GALNT16: variants seen among roughly 807,000 people sequenced by gnomAD.
GALNT16 encodes the protein UDP-GalNAc:polypeptide N-acetylgalactosaminyltransferase-like protein 1.
In GALNT16, 40 loss-of-function variants were observed where a neutral mutation model predicts 76.1. That is an observed-to-expected ratio of 0.53 (90% confidence interval 0.41 to 0.68). The LOEUF (loss-of-function observed/expected upper bound fraction) is 0.68. Ranked by LOEUF, GALNT16 falls within the 30% of genes least tolerant of loss-of-function variation. The probability of loss-of-function intolerance (pLI) is 0.00; values close to 1 mark genes in which losing one functional copy is unlikely to be tolerated. For synonymous variants in GALNT16, 276 were observed against 285.2 expected, an observed-to-expected ratio of 0.97 and a Z score of 0.32; for missense variants, 621 against 731.9, an observed-to-expected ratio of 0.85 and a Z score of 1.75.
chr14:69,319,712 G>A (rs943652018), intron 1 of GALNT16, among the ~76,000 whole-genome samples: 1 of 152,224 alleles, frequency 6.6e-6, no homozygotes, highest in African/African-American at 2.4e-5. Flanking sequence ...ATGAAGGAAC[G>A]GGATGGGCAA....
At chr14:69,296,665 C>T (rs914292070) in intron 1 of GALNT16, among the ~76,000 whole-genome samples, 63 of 152,068 alleles carry the variant, frequency 4.1e-4, no homozygotes, top group African/African-American at 1.3e-3. Context: ...TGCACTCCAG[C>T]CTGTATGACA....
intron 1 of GALNT16, among the ~76,000 whole-genome samples, chr14:69,279,632 T>G (rs1213177831): frequency 4.6e-5 from 7 of 152,230 alleles, no homozygotes; most frequent in African/African-American, 7.2e-5. Flanking sequence ...TGGGAAAGGC[T>G]GTGGGGGCCG....
intron 1 of GALNT16, among the ~76,000 whole-genome samples, chr14:69,280,950 G>A (rs753048676): frequency 6.6e-6 from 1 of 151,982 alleles, no homozygotes; most frequent in Non-Finnish European, 1.5e-5. Context: ...CACTGCCTTC[G>A]CTGCAGTGAG....
At chr14:69,349,271 T>G (rs565361935) in intron 14 of GALNT16, 2 of 152,322 alleles carry the variant, frequency 1.3e-5, no homozygotes, top group African/African-American at 4.8e-5. Flanking sequence ...GGGCAAATCC[T>G]TGAGCCCACG....
chr14:69,273,815 ATAGT>A (rs746120514), intron 1 of GALNT16, among the ~76,000 whole-genome samples: 3 of 152,342 alleles, frequency 2.0e-5, no homozygotes, highest in East Asian at 1.9e-4. Flanking sequence ...AAGATAGGAC[ATAGT>A]TAGAGCCGTA....
chr14:69,296,321 A>G lies in GALNT16; in HGVS notation c.178-24390A>G, dbSNP rs192445170. Among the ~76,000 whole-genome samples the G allele has an allele frequency of 2.0e-5, 3 of 152,302 alleles. No individual in the cohort carries two copies. In the East Asian group the frequency reaches 5.8e-4, roughly 29 times the overall value. On this transcript the variant is annotated intron_variant, in intron 1 of 14. Transcript: ENST00000448469. Reference sequence around the variant, plus strand: ...CACCTCCCTCCAGGCCCCATCTCCAACACTGGGGATTACAATTCAACATGA... The same window carrying G: ...CACCTCCCTCCAGGCCCCATCTCCAGCACTGGGGATTACAATTCAACATGA...
In GALNT16 at chr14:69,346,982, G is replaced by A. The variant is rs895217717; in HGVS notation, c.1272-58G>A. On this transcript the variant is annotated intron_variant, in intron 12 of 14. Coordinates refer to ENST00000448469, the MANE Select transcript of GALNT16 (RefSeq NM_001168368.2). ...TGATAGGATGCTGACGTCTGGCAGAGGGTGTAGGTAAGCCTTGGGGGGGAA... is the reference window on the plus strand; with the variant it reads ...TGATAGGATGCTGACGTCTGGCAGAAGGTGTAGGTAAGCCTTGGGGGGGAA... 72 of 1,607,392 alleles carry A rather than the reference G, an allele frequency of 4.5e-5. No individual in the cohort carries two copies. In the African/African-American group the frequency reaches 8.2e-4, roughly 18 times the overall value.
intron 14 of GALNT16, chr14:69,349,363 C>T (rs1207848359): frequency 3.3e-5 from 5 of 152,224 alleles, no homozygotes; most frequent in African/African-American, 7.2e-5. Flanking sequence ...CACATTTCCC[C>T]CTTTGTGCTG....
At chr14:69,309,880 G>A (rs2044991276) in intron 1 of GALNT16, among the ~76,000 whole-genome samples, 1 of 152,114 alleles carries the variant, frequency 6.6e-6, no homozygotes, top group Non-Finnish European at 1.5e-5. Context: ...AATGAAAAGT[G>A]ACCAATTTTT....
intron 3 of GALNT16, among the ~76,000 whole-genome samples, 195 bp from the exon 4 acceptor site, chr14:69,325,142 T>C (rs111947292): frequency 2.2e-4 from 34 of 152,286 alleles, no homozygotes; most frequent in African/African-American, 7.2e-4. Flanking sequence ...CTGCTAAGCC[T>C]GGGCTTGTGG....
chr14:69,351,738 C>G, intron 14 of GALNT16: 1 of 272,604 alleles, frequency 3.7e-6, no homozygotes, highest in Non-Finnish European at 7.0e-6. Flanking sequence ...CATAGCAAGA[C>G]CCAGTCTCTG....
At chr14:69,268,201 A>G (rs1205802050) in intron 1 of GALNT16, among the ~76,000 whole-genome samples, 1 of 152,240 alleles carries the variant, frequency 6.6e-6, no homozygotes, top group Admixed American at 6.5e-5. Context: ...CAATCTAGGA[A>G]GACCAGAAGG....
chr14:69,325,798 G>A (rs1031677349), intron 4 of GALNT16, among the ~76,000 whole-genome samples, 164 bp from the exon 5 acceptor site: 30 of 152,174 alleles, frequency 2.0e-4, no homozygotes, highest in Non-Finnish European at 1.9e-4. Flanking sequence ...GCCTGAGAGT[G>A]GGGCAGGGCA....
At chr14:69,312,055 A>ATCTG (rs34756897) in intron 1 of GALNT16, among the ~76,000 whole-genome samples, 8 of 90,116 alleles carry the variant, frequency 8.9e-5, no homozygotes, top group African/African-American at 2.3e-4. Flanking sequence ...AAAAAAAAAA[A>ATCTG]TCTGTCTATC....
intron 1 of GALNT16, among the ~76,000 whole-genome samples, chr14:69,311,051 A>G (rs527464591): frequency 6.6e-6 from 1 of 152,366 alleles, no homozygotes; most frequent in South Asian, 2.1e-4. Context: ...GACAGGTCAC[A>G]CCTGCTCCAG....
At chr14:69,357,529 T>G (rs1022227021), downstream of GALNT16, 3 of 152,192 alleles carry the variant, frequency 2.0e-5, no homozygotes, top group African/African-American at 7.2e-5. Context: ...TAGGGACCAT[T>G]CCTCCAGGGC....
intron 5 of GALNT16, among the ~76,000 whole-genome samples, chr14:69,327,066 G>C (rs918193639): frequency 6.6e-6 from 1 of 152,202 alleles, no homozygotes; most frequent in Non-Finnish European, 1.5e-5. Context: ...TTTAGAGTAA[G>C]AGAGGGATGT....
chr14:69,326,619 G>A (rs1016481994), intron 5 of GALNT16, among the ~76,000 whole-genome samples: 15 of 152,174 alleles, frequency 9.9e-5, no homozygotes, highest in African/African-American at 3.4e-4. Context: ...GGGGTGTGGG[G>A]GCATCATGAG....
At chr14:69,325,892 A>G (rs2045276559) in intron 4 of GALNT16, 70 bp from the exon 5 acceptor site, 1 of 1,259,010 alleles carries the variant, frequency 7.9e-7, no homozygotes, top group South Asian at 1.2e-5. Flanking sequence ...GGCAATTTTC[A>G]TGGCAGCCAA....
Sources: allele counts gnomAD v4.1 joint callset (sites outside exome capture counted in the v4.1 genomes callset), GRCh38; gene constraint gnomAD v4.1.1; transcripts MANE v1.5; gene names NCBI Gene and HGNC (gene_info 2026-07-23, HGNC 2026-07-21).